Variants in EXD3 observed in about 807,000 individuals in gnomAD.
EXD3 encodes exonuclease 3'-5' domain containing 3.
In EXD3, 92 loss-of-function variants were observed where a neutral mutation model predicts 98.0. That is an observed-to-expected ratio of 0.94 (90% CI 0.79 to 1.12). The LOEUF is 1.12. Among genes scored for constraint, EXD3 ranks in the 50% most tolerant of loss-of-function variants. The pLI is 0.00. For missense variants in EXD3, 1,222 were observed against 1,191.6 expected, an observed-to-expected ratio of 1.03 and a Z score of -0.38; for synonymous variants, 569 against 526.0, an observed-to-expected ratio of 1.08 and a Z score of -1.12.
Position 137,417,735 on chromosome 9 carries a change from G to A in EXD3, c.-48+5379C>T, listed in dbSNP as rs557202603. 2.6e-5 allele frequency among the ~76,000 whole-genome samples: 4 copies of A among 152,284 alleles called. No homozygotes were observed. The South Asian group carries it at 8.3e-4, about 32-fold the overall frequency. Reference sequence around the variant, plus strand: ...GCGCAGGCGACATCACCGACACCACGTGTGCGCCCCGGGCACACCGGCCAC... The same window carrying A: ...GCGCAGGCGACATCACCGACACCACATGTGCGCCCCGGGCACACCGGCCAC... On this transcript the variant is annotated intron_variant, in intron 1 of 21. Coordinates refer to ENST00000340951, the MANE Select transcript of EXD3 (RefSeq NM_017820.5).
At position 137,405,377 on chromosome 9, in the gene EXD3, G is replaced by T. The variant is rs1052079622; in HGVS notation, c.-47-9973C>A. On this transcript the variant is annotated intron_variant, in intron 1 of 21. Coordinates refer to ENST00000340951, the MANE Select transcript of EXD3 (RefSeq NM_017820.5). The surrounding 1 kb of genome is among the most constrained non-coding windows in gnomAD (Gnocchi z 4.1). ...TGGACCACAGGACCAACGGGGGCAG[G>T]GTGGGCCCCCCACACAGGTCCTGGA... 6.6e-6 allele frequency among the ~76,000 whole-genome samples: 1 copy of T among 152,228 alleles called. No individual in the cohort carries two copies. The highest frequency in any genetic ancestry group is 1.5e-5 in the Non-Finnish European group (1 of 68,038).
chr9:137,406,302 GA>G (rs1837711912), intron 1 of EXD3, among the ~76,000 whole-genome samples: 1 of 149,130 alleles, frequency 6.7e-6, no homozygotes, highest in African/African-American at 2.5e-5. Context: ...AAAAAAAAAA[GA>G]AAAAGAAAAG....
intron 1 of EXD3, among the ~76,000 whole-genome samples, chr9:137,420,737 A>AC (rs34647307): frequency 0.19 from 20,792 of 112,282 alleles, 2,919 homozygotes; most frequent in Admixed American, 0.34. Flanking sequence ...ACAGACATTC[A>AC]CCCCCCCCCC....
At chr9:137,307,948 G>A (rs572399059) in intron 20 of EXD3, among the ~76,000 whole-genome samples, 7 of 152,056 alleles carry the variant, frequency 4.6e-5, no homozygotes, top group Middle Eastern at 3.4e-3. Flanking sequence ...GAGAACCGGC[G>A]GGCGGGGGCG....
chr9:137,312,480 G>A (rs575203777), intron 19 of EXD3, among the ~76,000 whole-genome samples: 16 of 152,318 alleles, frequency 1.1e-4, no homozygotes, highest in South Asian at 4.1e-4. Context: ...GCCCGTGGGC[G>A]TGTGGCTGCC....
At chr9:137,422,132 A>C (rs1391215486) in intron 1 of EXD3, among the ~76,000 whole-genome samples, 15 of 150,960 alleles carry the variant, frequency 9.9e-5, no homozygotes, top group Middle Eastern at 3.4e-3. Context: ...AAAAAAAAAA[A>C]AACTCCCTGA....
At chr9:137,412,623 G>A (rs1370828461) in intron 1 of EXD3, among the ~76,000 whole-genome samples, 8 of 152,106 alleles carry the variant, frequency 5.3e-5, no homozygotes, top group Admixed American at 3.9e-4. Flanking sequence ...GAGGCACGAG[G>A]GCACAGCAGG....
chr9:137,335,455 C>T (rs902753308), intron 17 of EXD3, among the ~76,000 whole-genome samples: 8 of 152,160 alleles, frequency 5.3e-5, no homozygotes, highest in Admixed American at 1.3e-4. Flanking sequence ...CCAAGGCGGG[C>T]GGATCACGAG....
intron 1 of EXD3, among the ~76,000 whole-genome samples, chr9:137,418,307 G>A (rs1838336812): frequency 6.6e-6 from 1 of 152,164 alleles, no homozygotes; most frequent in African/African-American, 2.4e-5. Context: ...CCGAGACTGC[G>A]CCACTGCACT....
At chr9:137,337,521 G>C (rs987253954) in intron 17 of EXD3, among the ~76,000 whole-genome samples, 3 of 151,782 alleles carry the variant, frequency 2.0e-5, no homozygotes, top group Non-Finnish European at 2.9e-5. Context: ...TGTGGTGGCG[G>C]ACACCTGTAA....
intron 1 of EXD3, among the ~76,000 whole-genome samples, chr9:137,398,914 A>C (rs1366896399): frequency 3.9e-5 from 5 of 126,640 alleles, no homozygotes; most frequent in Non-Finnish European, 5.1e-5. Flanking sequence ...CACACAGGCA[A>C]CCGCGTCTCC....
intron 19 of EXD3, 69 bp from the exon 20 acceptor site, chr9:137,309,769 C>G (rs563390088): frequency 7.3e-5 from 88 of 1,198,010 alleles, no homozygotes; most frequent in Non-Finnish European, 9.8e-5. Flanking sequence ...CAGCCCTCTG[C>G]TCGCTCCTCG....
In EXD3 at chr9:137,371,451, G is replaced by C. The variant is rs981652978; in HGVS notation, c.462+1454C>G. Reference sequence around the variant, plus strand: ...GGGCAGCCCCCGATGCCCGTGCCCAGGTTCCAATGCACCTCCTCACGGTGA... The same window carrying C: ...GGGCAGCCCCCGATGCCCGTGCCCACGTTCCAATGCACCTCCTCACGGTGA... On this transcript the variant is annotated intron_variant, in intron 5 of 21. Transcript: ENST00000340951. The surrounding 1 kb of genome is among the most constrained non-coding windows in gnomAD (Gnocchi z 8.0). 6.6e-6 allele frequency among the ~76,000 whole-genome samples: 1 copy of C among 152,138 alleles called. No individual in the cohort carries two copies. Among genetic ancestry groups the C allele is most frequent in the African/African-American group, 2.4e-5 (1 of 41,418 alleles).
intron 1 of EXD3, among the ~76,000 whole-genome samples, chr9:137,413,722 T>TG: frequency 6.6e-6 from 1 of 151,924 alleles, no homozygotes; most frequent in East Asian, 1.9e-4. Context: ...AGGCTGGTCT[T>TG]GAACTCCTGA....
chr9:137,316,538 C>T lies in EXD3; in HGVS notation c.2185-6838G>A, dbSNP rs922590639. Among the ~76,000 whole-genome samples the T allele has an allele frequency of 5.9e-5, 9 of 152,330 alleles. No individual in the cohort carries two copies. The Middle Eastern group carries it at 0.01, about 173-fold the overall frequency. On this transcript the variant is annotated intron_variant, in intron 19 of 21. Coordinates refer to ENST00000340951, the MANE Select transcript of EXD3 (RefSeq NM_017820.5). ...GAACCCGCCCCAAGCGGCCCTGGGC[C>T]GACCCTCGCAGCTCCCAGTGCCCGG...
intron 1 of EXD3, among the ~76,000 whole-genome samples, chr9:137,399,392 A>G (rs1002185899): frequency 2.0e-5 from 3 of 152,234 alleles, no homozygotes; most frequent in Admixed American, 1.3e-4. Context: ...CCTGCTGTTT[A>G]GAACTTACAC....
intron 20 of EXD3, 92 bp downstream of exon 20, chr9:137,309,515 G>A: frequency 9.4e-7 from 1 of 1,059,434 alleles, no homozygotes; most frequent in Non-Finnish European, 1.4e-6. Context: ...GAAGCTCAGT[G>A]CTGGACGGGC....
At chr9:137,400,260 G>T (rs993828292) in intron 1 of EXD3, among the ~76,000 whole-genome samples, 1 of 152,018 alleles carries the variant, frequency 6.6e-6, no homozygotes, top group African/African-American at 2.4e-5. Flanking sequence ...TTCCGTCCCG[G>T]CCCCTCCAAA....
At chr9:137,323,936 G>A (rs1832238389) in intron 18 of EXD3, 80 bp from the exon 19 acceptor site, 1 of 1,534,952 alleles carries the variant, frequency 6.5e-7, no homozygotes, top group Non-Finnish European at 8.8e-7. Flanking sequence ...CCGCCAGCAT[G>A]GGGCAGGAGC....
Sources: gnomAD v4.1 joint callset for allele counts (sites outside exome capture counted in the v4.1 genomes callset) on GRCh38, gnomAD v4.1.1 for gene constraint, Gnocchi (gnomAD v3.1) non-coding constraint, MANE v1.5 for transcripts, NCBI Gene and HGNC (gene_info 2026-07-23, HGNC 2026-07-21) for gene names.